DAP: variants seen among roughly 807,000 people sequenced by gnomAD.
DAP encodes the protein death associated protein, also known as death-associated protein 1.
Under a neutral mutation model 13.8 loss-of-function variants are expected in DAP, and 8 were observed. That is an observed-to-expected ratio of 0.58 (90% CI 0.34 to 1.05). DAP has a LOEUF of 1.05. Among genes scored for constraint, DAP ranks in the 50% least tolerant of loss-of-function variants. The probability of loss-of-function intolerance (pLI) is 0.03; values close to 1 mark genes in which losing one functional copy is unlikely to be tolerated. For synonymous variants in DAP, 47 were observed against 47.5 expected (o/e 0.99, Z 0.04); for missense variants, 106 against 133.2 (o/e 0.80, Z 1.01).
chr5:10,751,466 G>A (rs1391276010), intron 1 of DAP, among the ~76,000 whole-genome samples: 1 of 152,184 alleles, frequency 6.6e-6, no homozygotes, highest in African/African-American at 2.4e-5. Context: ...GCTCAAGGAA[G>A]AGCTTAGAAG....
chr5:10,731,624 T>G (rs948741070), intron 2 of DAP, among the ~76,000 whole-genome samples: 3 of 152,222 alleles, frequency 2.0e-5, no homozygotes, highest in African/African-American at 7.2e-5. Context: ...TGCTGGTCTT[T>G]GTGCCTGACT....
intron 2 of DAP, among the ~76,000 whole-genome samples, chr5:10,727,247 T>G (rs552800119): frequency 2.8e-4 from 43 of 152,276 alleles, no homozygotes; most frequent in African/African-American, 1.0e-3. Context: ...CAGGCAACAG[T>G]ACCTGGCCAC....
At chr5:10,740,413 C>T (rs1030667798) in intron 2 of DAP, among the ~76,000 whole-genome samples, 67 of 152,146 alleles carry the variant, frequency 4.4e-4, no homozygotes, top group Admixed American at 5.9e-4. Context: ...AAGCTGATGA[C>T]ACCAAACCAT....
chr5:10,698,222 G>C (rs371421391), intron 2 of DAP, among the ~76,000 whole-genome samples: 4 of 143,228 alleles, frequency 2.8e-5, no homozygotes, highest in East Asian at 2.2e-4. Context: ...CTAGCTCTGG[G>C]GACCCTCCTA....
intron 2 of DAP, among the ~76,000 whole-genome samples, chr5:10,738,411 C>A (rs569577051): frequency 7.2e-5 from 11 of 152,336 alleles, no homozygotes; most frequent in African/African-American, 1.9e-4. Context: ...ACAATCAAAG[C>A]TGGCATCACC....
At chr5:10,733,159 T>C (rs931112499) in intron 2 of DAP, among the ~76,000 whole-genome samples, 410 of 25,258 alleles carry the variant, frequency 0.016, 2 homozygotes, top group African/African-American at 0.045. Context: ...TTCCTGCGTG[T>C]GTGTGTGTGT....
At chr5:10,698,556 T>C (rs962566132) in intron 2 of DAP, among the ~76,000 whole-genome samples, 10 of 152,276 alleles carry the variant, frequency 6.6e-5, no homozygotes, top group African/African-American at 2.4e-4. Flanking sequence ...AATTAAAGTC[T>C]TCACTCACTC....
At chr5:10,722,621 T>C (rs141009228) in intron 2 of DAP, among the ~76,000 whole-genome samples, 64 of 149,136 alleles carry the variant, frequency 4.3e-4, no homozygotes, top group African/African-American at 1.4e-3. Context: ...TACACATATA[T>C]ACACACATAT....
At position 10,737,345 on chromosome 5, in the gene DAP, CA is replaced by C. The variant is rs35941385; in HGVS notation, c.152+10829del. Among the ~76,000 whole-genome samples the C allele has an allele frequency of 5.0e-3, 509 of 102,818 alleles. 7 individuals carry two copies. Among genetic ancestry groups the C allele is most frequent in the African/African-American group, 0.018 (494 of 27,938 alleles). The allele number at this position is 102,818 out of a possible 152,430, so 67.5% of individuals were successfully genotyped here. ...TGGGCGACAGAGCAAGACTCTGTCT[CA>C]AAAAAAAAACAAAAACAAAAACAAA... On this transcript the variant is annotated intron_variant, in intron 2 of 3. Coordinates refer to ENST00000230895, the MANE Select transcript of DAP (RefSeq NM_004394.3).
At position 10,738,261 on chromosome 5, in the gene DAP, G is replaced by GA. The variant is rs1739663646; in HGVS notation, c.152+9913dup. 1.3e-5 allele frequency among the ~76,000 whole-genome samples: 2 copies of GA among 152,384 alleles called. 1 individual carries two copies. Among genetic ancestry groups the GA allele is most frequent in the South Asian group, 4.1e-4 (2 of 4,830 alleles). On this transcript the variant is annotated intron_variant, in intron 2 of 3. Transcript: ENST00000230895. ...CAGGCAAGCATCATCAGTGAATGCTGAAAGTAGCAGGCAAAAGTTTGATGA... is the reference window on the plus strand; with the variant it reads ...CAGGCAAGCATCATCAGTGAATGCTGAAAAGTAGCAGGCAAAAGTTTGATGA...
intron 2 of DAP, among the ~76,000 whole-genome samples, chr5:10,717,011 T>A (rs568873101): frequency 6.6e-6 from 1 of 152,238 alleles, no homozygotes; most frequent in Non-Finnish European, 1.5e-5. Flanking sequence ...TTTAGACTTA[T>A]GCAAAATAAA....
At chr5:10,744,598 C>T (rs894586945) in intron 2 of DAP, among the ~76,000 whole-genome samples, 9 of 152,310 alleles carry the variant, frequency 5.9e-5, no homozygotes, top group African/African-American at 1.2e-4. Flanking sequence ...CAGGGACTTA[C>T]GTGACATATC....
intron 2 of DAP, 135 bp from the exon 3 acceptor site, chr5:10,683,706 G>C: frequency 1.3e-6 from 1 of 779,666 alleles, no homozygotes; most frequent in South Asian, 1.5e-5. Flanking sequence ...TCTCCTCTGC[G>C]TTATTTGTTG....
intron 2 of DAP, among the ~76,000 whole-genome samples, chr5:10,739,921 C>A (rs1401084799): frequency 6.6e-6 from 1 of 152,132 alleles, no homozygotes; most frequent in Non-Finnish European, 1.5e-5. Flanking sequence ...TTCTTTTACA[C>A]ACCAGGTTTT....
chr5:10,710,041 G>A (rs1561016397), intron 2 of DAP, among the ~76,000 whole-genome samples: 1 of 152,244 alleles, frequency 6.6e-6, no homozygotes, highest in Non-Finnish European at 1.5e-5. Context: ...GCTCTGTGAT[G>A]AGGGAGAAGT....
chr5:10,690,674 C>T (rs1306666760), intron 2 of DAP, among the ~76,000 whole-genome samples: 1 of 151,898 alleles, frequency 6.6e-6, no homozygotes, highest in Non-Finnish European at 1.5e-5. Context: ...TACAGACAGA[C>T]CACATTCTGC....
At chr5:10,735,133 G>A (rs1739575190) in intron 2 of DAP, among the ~76,000 whole-genome samples, 1 of 151,746 alleles carries the variant, frequency 6.6e-6, no homozygotes, top group African/African-American at 2.4e-5. Context: ...TGAATTTAGA[G>A]TGAATTTAAG....
chr5:10,741,894 T>C (rs1292753507), intron 2 of DAP, among the ~76,000 whole-genome samples: 1 of 152,254 alleles, frequency 6.6e-6, no homozygotes, highest in Non-Finnish European at 1.5e-5. Flanking sequence ...GTACACAATG[T>C]GCTTCTCATG....
At chr5:10,724,976 C>A (rs1189619775) in intron 2 of DAP, among the ~76,000 whole-genome samples, 2 of 152,198 alleles carry the variant, frequency 1.3e-5, no homozygotes, top group Admixed American at 1.3e-4. Flanking sequence ...TCCCCCCTCT[C>A]CCCTTCAGGC....
Sources: gnomAD v4.1 joint callset for allele counts (sites outside exome capture counted in the v4.1 genomes callset) on GRCh38, gnomAD v4.1.1 for gene constraint, MANE v1.5 for transcripts, NCBI Gene and HGNC (gene_info 2026-07-23, HGNC 2026-07-21) for gene names.